RIN2: variants seen among roughly 807,000 people sequenced by gnomAD.
RIN2 encodes the protein RAB5 interacting protein 2.
In RIN2, 36 loss-of-function variants were observed where a neutral mutation model predicts 78.0. That is an observed-to-expected ratio of 0.46 (90% CI 0.35 to 0.61). The LOEUF (loss-of-function observed/expected upper bound fraction) is 0.61. Among genes scored for constraint, RIN2 ranks in the 20% least tolerant of loss-of-function variants. The probability of loss-of-function intolerance (pLI) is 0.00; values close to 1 mark genes in which losing one functional copy is unlikely to be tolerated. For missense variants in RIN2, 1,087 were observed against 1,159.7 expected, an observed-to-expected ratio of 0.94 and a Z score of 0.91; for synonymous variants, 466 against 466.8, an observed-to-expected ratio of 1.00 and a Z score of 0.02.
intron 4 of RIN2, among the ~76,000 whole-genome samples, chr20:19,953,874 T>C (rs182501961): frequency 6.6e-6 from 1 of 152,368 alleles, no homozygotes; most frequent in East Asian, 1.9e-4. Context: ...TCCCAATACC[T>C]GCAGGCCCTG....
rs772757889 is a variant in RIN2 at position 19,974,706 on chromosome 20, T to C, written c.681T>C (p.His227=). The change falls in exon 9 of 13, where the codon CAT becomes CAC. Residue 227 remains histidine, a synonymous_variant. Coordinates refer to ENST00000255006, the MANE Select transcript of RIN2 (RefSeq NM_018993.4). ...AACCCCCGAACCTTCCACCTCCCCA[T>C]AGGCCTCTTTCCTCCGACGGTGTCT... The part of the protein sequence containing the change: ...DSKPPNLPPP[H]RPLSSDGVCP... 12 of 1,614,014 alleles carry C rather than the reference T, an allele frequency of 7.4e-6. No individual in the cohort carries two copies. In the East Asian group the frequency reaches 1.1e-4, roughly 15 times the overall value.
At chr20:19,759,379 A>G (rs779927910) in intron 1 of RIN2, among the ~76,000 whole-genome samples, 2 of 152,204 alleles carry the variant, frequency 1.3e-5, no homozygotes, top group African/African-American at 4.8e-5. Context: ...AGGACTGTAA[A>G]TACTGAAGCA....
chr20:19,892,513 TTGTTTAATTTATTTAAGTCAGA>T (rs1386173999), intron 3 of RIN2, among the ~76,000 whole-genome samples: 1 of 152,184 alleles, frequency 6.6e-6, no homozygotes, highest in African/African-American at 2.4e-5. Flanking sequence ...ACGCCCAGCC[TTGTTTAATTTATTTAAGTCAGA>T]TGCTCCATGT....
chr20:19,943,076 C>T (rs1392029780), intron 4 of RIN2, among the ~76,000 whole-genome samples: 1 of 152,198 alleles, frequency 6.6e-6, no homozygotes, highest in African/African-American at 2.4e-5. Context: ...GGGTGCATGC[C>T]CCGGGCTTGA....
intron 9 of RIN2, among the ~76,000 whole-genome samples, chr20:19,980,956 TAG>T (rs1329424613): frequency 6.6e-6 from 1 of 152,222 alleles, no homozygotes; most frequent in Non-Finnish European, 1.5e-5. Context: ...ACCTCCTCTG[TAG>T]AGTCAAAGCG....
chr20:19,919,404 A>G (rs1351089150), intron 3 of RIN2, among the ~76,000 whole-genome samples: 1 of 152,224 alleles, frequency 6.6e-6, no homozygotes, highest in Non-Finnish European at 1.5e-5. Context: ...GATTTTCAAA[A>G]TGTTATCCCT....
At chr20:19,971,845 G>A (rs6132254) in intron 8 of RIN2, among the ~76,000 whole-genome samples, 22,763 of 147,936 alleles carry the variant, frequency 0.15, 1,767 homozygotes, top group East Asian at 0.28. Flanking sequence ...AGGTTCAAGC[G>A]ATCCTCCCAC....
intron 2 of RIN2, among the ~76,000 whole-genome samples, chr20:19,808,852 T>C (rs1436046726): frequency 2.0e-5 from 3 of 152,122 alleles, no homozygotes; most frequent in African/African-American, 7.2e-5. Context: ...GGACATGCAC[T>C]GTTATGGTGG....
chr20:19,963,945 C>A (rs569915207), intron 6 of RIN2, among the ~76,000 whole-genome samples: 9 of 146,804 alleles, frequency 6.1e-5, no homozygotes, highest in Non-Finnish European at 1.0e-4. Flanking sequence ...CTCACTGCAA[C>A]GTCCACCTCC....
chr20:19,932,321 C>T (rs947363925), intron 3 of RIN2, among the ~76,000 whole-genome samples: 12 of 152,170 alleles, frequency 7.9e-5, no homozygotes, highest in Non-Finnish European at 1.6e-4. Flanking sequence ...TCGGACTTTC[C>T]AGCTTCCAGA....
chr20:19,816,073 A>G (rs2035758002), intron 2 of RIN2, among the ~76,000 whole-genome samples: 1 of 152,238 alleles, frequency 6.6e-6, no homozygotes, highest in South Asian at 2.1e-4. Context: ...GTATTTGTGG[A>G]TAGCTTGAAC....
chr20:19,962,830 G>C lies in RIN2; in HGVS notation c.463+2019G>C, dbSNP rs189908037. On this transcript the variant is annotated intron_variant, in intron 6 of 12. Coordinates refer to ENST00000255006, the MANE Select transcript of RIN2 (RefSeq NM_018993.4). ...AAATTAGCCAGGTGTGGTGGCGCAA[G>C]CCTGTAATCCCATCTGCTCAGGAGG... 2.0e-5 allele frequency among the ~76,000 whole-genome samples: 3 copies of C among 152,308 alleles called. No individual in the cohort carries two copies. In the East Asian group the frequency reaches 5.8e-4, roughly 29 times the overall value.
At chr20:19,810,874 GTGTGTTTT>G (rs1407969984) in intron 2 of RIN2, among the ~76,000 whole-genome samples, 3 of 134,538 alleles carry the variant, frequency 2.2e-5, no homozygotes, top group Admixed American at 2.2e-4. Flanking sequence ...TTGTGTGTGT[GTGTGTTTT>G]TTTTTTTTTT....
chr20:19,903,485 T>TAG (rs2039079564), intron 3 of RIN2, among the ~76,000 whole-genome samples: 1 of 152,232 alleles, frequency 6.6e-6, no homozygotes, highest in African/African-American at 2.4e-5. Context: ...TTCCAGATTC[T>TAG]AGGCTTGTTT....
chr20:19,776,189 G>A (rs184402951), intron 1 of RIN2, among the ~76,000 whole-genome samples: 4 of 152,216 alleles, frequency 2.6e-5, no homozygotes, highest in East Asian at 3.9e-4. Context: ...AGTGGGAGTC[G>A]GACATGCCTC....
intron 11 of RIN2, 40 bp downstream of exon 11, chr20:19,992,339 T>A: frequency 6.6e-7 from 1 of 1,508,670 alleles, no homozygotes; most frequent in Non-Finnish European, 8.9e-7. Context: ...CTGGGTGCTA[T>A]TTTTTTCATT....
chr20:19,910,617 G>C (rs2123720461), intron 3 of RIN2, among the ~76,000 whole-genome samples: 1 of 146,234 alleles, frequency 6.8e-6, no homozygotes, highest in Non-Finnish European at 1.5e-5. Flanking sequence ...CACCCAGAAT[G>C]GAGTGCAGTG....
At chr20:19,817,849 C>T (rs6515043) in intron 2 of RIN2, among the ~76,000 whole-genome samples, 3,706 of 152,216 alleles carry the variant, frequency 0.024, 156 homozygotes, top group African/African-American at 0.084. Context: ...TATTGAATAT[C>T]GCCTCTCCAA....
chr20:19,935,211 C>T lies in RIN2; in HGVS notation c.158+12C>T. The T allele has an allele frequency of 6.3e-7, 1 of 1,584,760 alleles. No individual in the cohort carries two copies. The highest frequency in any genetic ancestry group is 8.6e-7 in the Non-Finnish European group (1 of 1,164,530). ...GCTGAAACCCACAGGTGACCAGAGACACGGTTAGGTGATGGGTGCGAGAAA... is the reference window on the plus strand; with the variant it reads ...GCTGAAACCCACAGGTGACCAGAGATACGGTTAGGTGATGGGTGCGAGAAA... On this transcript the variant is annotated intron_variant, in intron 4 of 12. Coordinates refer to ENST00000255006, the MANE Select transcript of RIN2 (RefSeq NM_018993.4).
Sources: allele counts gnomAD v4.1 joint callset (sites outside exome capture counted in the v4.1 genomes callset), GRCh38; gene constraint gnomAD v4.1.1; transcripts MANE v1.5; gene names NCBI Gene and HGNC (gene_info 2026-07-23, HGNC 2026-07-21).